Variants in DLG2 observed in about 807,000 individuals in gnomAD.
DLG2 encodes the protein discs large MAGUK scaffold protein 2, also known as disks large homolog 2.
Under a neutral mutation model 132.5 loss-of-function variants are expected in DLG2, and 45 were observed. The ratio of observed to expected loss-of-function variants is 0.34; its 90% CI spans 0.27 to 0.44. The LOEUF (loss-of-function observed/expected upper bound fraction) is 0.44, where lower values mean the gene tolerates loss of function less well. Among genes scored for constraint, DLG2 ranks in the 20% least tolerant of loss-of-function variants. DLG2 has a pLI of 1.00. For missense variants in DLG2, 1,045 were observed against 1,196.9 expected (o/e 0.87, Z 1.87); for synonymous variants, 424 against 419.6 (o/e 1.01, Z -0.13).
At chr11:85,419,198 A>C (rs1243741145) in intron 3 of DLG2, among the ~76,000 whole-genome samples, 2 of 152,184 alleles carry the variant, frequency 1.3e-5, no homozygotes. Context: ...GTTTGGCTAC[A>C]TATGAAATTC....
intron 6 of DLG2, among the ~76,000 whole-genome samples, chr11:84,836,589 G>A (rs1390573928): frequency 1.3e-5 from 2 of 151,664 alleles, no homozygotes; most frequent in Admixed American, 6.6e-5. Context: ...CTATGTAAGG[G>A]ATTATCTTTA....
intron 6 of DLG2, among the ~76,000 whole-genome samples, chr11:84,849,846 C>T (rs963836391): frequency 1.3e-5 from 2 of 151,996 alleles, no homozygotes; most frequent in Non-Finnish European, 2.9e-5. Context: ...TGCTGTGTGT[C>T]CCCACTTCTA....
intron 2 of DLG2, among the ~76,000 whole-genome samples, chr11:85,602,653 C>T (rs1172743582): frequency 6.6e-6 from 1 of 152,138 alleles, no homozygotes; most frequent in African/African-American, 2.4e-5. Flanking sequence ...AAGTCATCAA[C>T]TAGATTATGT....
chr11:85,430,259 G>A (rs535828469), intron 3 of DLG2, among the ~76,000 whole-genome samples: 8 of 151,354 alleles, frequency 5.3e-5, no homozygotes, highest in African/African-American at 9.7e-5. Flanking sequence ...GTTAAATGAC[G>A]AGTTGATGGG....
chr11:84,641,442 G>A (rs1057513268), intron 6 of DLG2, among the ~76,000 whole-genome samples: 1 of 152,096 alleles, frequency 6.6e-6, no homozygotes. Context: ...TTCCGGAGAT[G>A]GGCTTCTCAA....
intron 3 of DLG2, among the ~76,000 whole-genome samples, chr11:85,562,297 C>T (rs976617893): frequency 2.0e-5 from 3 of 151,594 alleles, no homozygotes; most frequent in Admixed American, 6.6e-5. Context: ...CTGAAAAGAA[C>T]AAGTTTTAAA....
chr11:84,424,696 A>C (rs1170660513), intron 7 of DLG2, among the ~76,000 whole-genome samples: 1 of 152,136 alleles, frequency 6.6e-6, no homozygotes, highest in African/African-American at 2.4e-5. Flanking sequence ...AGAAGTATTA[A>C]AAATAAGAAC....
At chr11:84,060,626 G>A (rs766565557) in intron 10 of DLG2, among the ~76,000 whole-genome samples, 1 of 150,644 alleles carries the variant, frequency 6.6e-6, no homozygotes, top group Non-Finnish European at 1.5e-5. Context: ...TGTGGCCATC[G>A]ACTCCAAATA....
Position 85,021,631 on chromosome 11 carries a change from T to A in DLG2, c.357+90030A>T, listed in dbSNP as rs949849276. On this transcript the variant is annotated intron_variant, in intron 6 of 27. Coordinates refer to ENST00000376104, the MANE Select transcript of DLG2 (RefSeq NM_001142699.3). The stretch of plus-strand genomic sequence containing the variant: ...GGAGTTCATGGAGCGAGGATCTGTC[T>A]TGTTGGTAACGTTGCTAGCCATTGT... The A allele has an allele frequency of 1.3e-5, 17 of 1,276,264 alleles. No individual in the cohort carries two copies. In the African/African-American group the frequency reaches 2.0e-4, roughly 15 times the overall value. The allele number at this position is 1,276,264 out of a possible 1,614,324, so 79.1% of individuals were successfully genotyped here. A position where few individuals can be genotyped will look rare whatever the true frequency, so the allele number is the denominator to read the frequency against.
intron 6 of DLG2, among the ~76,000 whole-genome samples, chr11:84,622,754 T>C (rs1463255378): frequency 1.3e-5 from 2 of 152,146 alleles, no homozygotes; most frequent in Non-Finnish European, 2.9e-5. Flanking sequence ...AAAAATTTAC[T>C]ATGGCTATAG....
intron 7 of DLG2, among the ~76,000 whole-genome samples, chr11:84,484,031 C>A (rs1172003458): frequency 3.9e-5 from 6 of 152,114 alleles, no homozygotes; most frequent in Non-Finnish European, 8.8e-5. Context: ...AGAGGGACAG[C>A]AGGAGTCAGA....
At chr11:84,873,330 G>C (rs2085786917) in intron 6 of DLG2, among the ~76,000 whole-genome samples, 1 of 152,180 alleles carries the variant, frequency 6.6e-6, no homozygotes. Context: ...AGCTGGAAAA[G>C]ACAAGAAAAC....
chr11:84,522,950 G>A (rs937860712), intron 7 of DLG2, among the ~76,000 whole-genome samples: 1 of 152,040 alleles, frequency 6.6e-6, no homozygotes, highest in Admixed American at 6.5e-5. Flanking sequence ...CACTCAAAAT[G>A]TCCCCAACTC....
intron 3 of DLG2, among the ~76,000 whole-genome samples, chr11:85,549,476 T>A (rs541845963): frequency 6.6e-6 from 1 of 152,320 alleles, no homozygotes; most frequent in Non-Finnish European, 1.5e-5. Context: ...AATGTCTAAA[T>A]ATTTCCCAAT....
At chr11:85,270,464 A>G (rs2077462093) in intron 4 of DLG2, among the ~76,000 whole-genome samples, 1 of 152,204 alleles carries the variant, frequency 6.6e-6, no homozygotes, top group Non-Finnish European at 1.5e-5. Flanking sequence ...AAGCTAATAC[A>G]GTAATTTGGT....
At chr11:83,979,678 A>G (rs552043188) in intron 12 of DLG2, among the ~76,000 whole-genome samples, 1 of 152,302 alleles carries the variant, frequency 6.6e-6, no homozygotes, top group Non-Finnish European at 1.5e-5. Flanking sequence ...ACCCTGTCTA[A>G]GGGGAGGAAA....
At chr11:84,133,798 G>A (rs1237561444) in intron 9 of DLG2, among the ~76,000 whole-genome samples, 1 of 151,878 alleles carries the variant, frequency 6.6e-6, no homozygotes, top group African/African-American at 2.4e-5. Context: ...GACATATTTT[G>A]TTCAAATATT....
chr11:84,720,464 A>T (rs1480049476), intron 6 of DLG2: 1 of 985,054 alleles, frequency 1.0e-6, no homozygotes, highest in Admixed American at 6.2e-5. Context: ...GGGCACATGG[A>T]GCGACAGCCT....
intron 16 of DLG2, among the ~76,000 whole-genome samples, chr11:83,872,369 T>C (rs962566425): frequency 3.9e-5 from 6 of 152,182 alleles, no homozygotes; most frequent in African/African-American, 1.2e-4. Flanking sequence ...AGGCCAGGAC[T>C]CAAACCAAAT....
Sources: gnomAD v4.1 joint callset for allele counts (sites outside exome capture counted in the v4.1 genomes callset) on GRCh38, gnomAD v4.1.1 for gene constraint, MANE v1.5 for transcripts, NCBI Gene and HGNC (gene_info 2026-07-23, HGNC 2026-07-21) for gene names.